Variants in ANKRD31 observed in about 807,000 individuals in gnomAD.
ANKRD31 encodes the protein ankyrin repeat domain 31.
A neutral mutation model predicts 186.0 loss-of-function variants in ANKRD31; 147 were observed. The observed-to-expected ratio is 0.79, with a 90% CI of 0.69 to 0.91. The LOEUF is 0.91. Ranked by LOEUF, ANKRD31 falls within the 40% of genes least tolerant of loss-of-function variation. The pLI, the probability that ANKRD31 is intolerant of heterozygous loss-of-function variation, is 0.00. For missense variants in ANKRD31, 1,986 were observed against 2,148.8 expected (o/e 0.92, Z 1.50); for synonymous variants, 673 against 736.4 (o/e 0.91, Z 1.39).
intron 20 of ANKRD31, among the ~76,000 whole-genome samples, chr5:75,111,561 G>A (rs2150070194): frequency 6.6e-6 from 1 of 152,214 alleles, no homozygotes; most frequent in South Asian, 2.1e-4. Flanking sequence ...GAGATGAACA[G>A]TTATATCCTG....
intron 8 of ANKRD31, among the ~76,000 whole-genome samples, 152 bp downstream of exon 8, chr5:75,193,159 G>C (rs1755228654): frequency 6.6e-6 from 1 of 152,072 alleles, no homozygotes; most frequent in Admixed American, 6.6e-5. Flanking sequence ...GTATGGCACT[G>C]ATCAAAAACT....
rs530664893 is a variant in ANKRD31 at position 75,187,112 on chromosome 5, G to T, written c.1564+1381C>A. On this transcript the variant is annotated intron_variant, in intron 10 of 25. Coordinates refer to ENST00000506364, the MANE Select transcript of ANKRD31 (RefSeq NM_001372053.1). ...CAAACATTGCCGGTGATTCTGTTTT[G>T]TGTGTGTGTGTGTGTGTGTGTGTGT... 1.7e-3 allele frequency among the ~76,000 whole-genome samples: 168 copies of T among 99,830 alleles called. 4 individuals carry two copies. Among genetic ancestry groups the T allele is most frequent in the Middle Eastern group, 9.4e-3 (2 of 212 alleles). 65.5% of individuals were successfully genotyped at this position (99,830 alleles called of 152,430 possible).
chr5:75,199,732 T>C, intron 5 of ANKRD31, 58 bp from the exon 6 acceptor site: 1 of 1,363,238 alleles, frequency 7.3e-7, no homozygotes, highest in Admixed American at 2.1e-5. Flanking sequence ...AAACATACCT[T>C]CTCAGTTGAC....
At chr5:75,084,447 T>C (rs1201422630) in intron 23 of ANKRD31, 73 bp from the exon 24 acceptor site, 7 of 1,148,904 alleles carry the variant, frequency 6.1e-6, no homozygotes, top group East Asian at 2.6e-5. Context: ...GTCCTGAACA[T>C]TGTAATTTTT....
chr5:75,180,197 A>C (rs2150216484), intron 10 of ANKRD31, among the ~76,000 whole-genome samples: 1 of 152,336 alleles, frequency 6.6e-6, no homozygotes, highest in Non-Finnish European at 1.5e-5. Flanking sequence ...GACCTCTTCA[A>C]GGAGAACTAC....
At chr5:75,190,799 A>G (rs1211588699) in intron 9 of ANKRD31, among the ~76,000 whole-genome samples, 1 of 152,092 alleles carries the variant, frequency 6.6e-6, no homozygotes, top group African/African-American at 2.4e-5. Flanking sequence ...ACAAGTATAT[A>G]CCCATGAAAC....
At chr5:75,211,477 C>T (rs1756643183) in intron 3 of ANKRD31, among the ~76,000 whole-genome samples, 1 of 152,116 alleles carries the variant, frequency 6.6e-6, no homozygotes, top group Non-Finnish European at 1.5e-5. Context: ...TATTCAAGTC[C>T]CTGCTTTCAC....
intron 19 of ANKRD31, among the ~76,000 whole-genome samples, chr5:75,115,099 C>A (rs868283916): frequency 6.6e-6 from 1 of 151,382 alleles, no homozygotes; most frequent in African/African-American, 2.4e-5. Context: ...TCAGAAATAA[C>A]GCTGCATATC....
At chr5:75,075,449 A>T (rs1744557762) in intron 25 of ANKRD31, among the ~76,000 whole-genome samples, 2 of 152,228 alleles carry the variant, frequency 1.3e-5, no homozygotes, top group South Asian at 4.1e-4. Flanking sequence ...AGCATGCGAG[A>T]CAAGAAAGGG....
At chr5:75,153,060 T>G (rs1412299484) in intron 12 of ANKRD31, among the ~76,000 whole-genome samples, 1 of 152,036 alleles carries the variant, frequency 6.6e-6, no homozygotes, top group African/African-American at 2.4e-5. Context: ...CTAAGGTACA[T>G]TCTCTTCCTC....
chr5:75,097,608 G>T (rs1327963889), intron 22 of ANKRD31, among the ~76,000 whole-genome samples: 1 of 152,256 alleles, frequency 6.6e-6, no homozygotes, highest in East Asian at 1.9e-4. Context: ...TCTGTAGGTT[G>T]CCTCTTCACT....
At chr5:75,193,899 T>C (rs1755287768) in intron 7 of ANKRD31, among the ~76,000 whole-genome samples, 1 of 151,856 alleles carries the variant, frequency 6.6e-6, no homozygotes, top group African/African-American at 2.4e-5. Flanking sequence ...ATTTGGAATG[T>C]AGAATGATGA....
intron 22 of ANKRD31, among the ~76,000 whole-genome samples, chr5:75,100,446 G>C (rs1245963068): frequency 6.6e-6 from 1 of 152,140 alleles, no homozygotes; most frequent in Non-Finnish European, 1.5e-5. Flanking sequence ...GGTCTGCTTG[G>C]TGCAGAGCTG....
chr5:75,128,010 ATG>A (rs1371403547), intron 17 of ANKRD31, among the ~76,000 whole-genome samples: 2 of 152,226 alleles, frequency 1.3e-5, no homozygotes, highest in Non-Finnish European at 2.9e-5. Context: ...TTATTTTATC[ATG>A]TCATATGAAA....
intron 10 of ANKRD31, among the ~76,000 whole-genome samples, chr5:75,172,825 C>T (rs548176865): frequency 4.9e-4 from 75 of 152,284 alleles, no homozygotes; most frequent in Non-Finnish European, 8.2e-4. Context: ...GGAGCTGGTA[C>T]CATTCCTTCT....
At position 75,229,880 on chromosome 5, in the gene ANKRD31, A is replaced by G. The variant is rs868744079; in HGVS notation, c.178+682T>C. 3.5e-5 allele frequency among the ~76,000 whole-genome samples: 3 copies of G among 85,318 alleles called. No homozygotes were observed. The South Asian group carries it at 1.0e-3, about 29-fold the overall frequency. 56.0% of individuals were successfully genotyped at this position (85,318 alleles called of 152,430 possible). A position where few individuals can be genotyped will look rare whatever the true frequency, so the allele number is the denominator to read the frequency against. ...ACTCTGTCTCAAAAAAAAAAAAAAA[A>G]AAAAAAACAAAAAAAACATCAATTC... is the stretch of plus-strand genomic sequence containing the variant. On this transcript the variant is annotated intron_variant, in intron 2 of 25. Coordinates refer to ENST00000506364, the MANE Select transcript of ANKRD31 (RefSeq NM_001372053.1).
chr5:75,200,390 T>C (rs1044870939), intron 5 of ANKRD31, among the ~76,000 whole-genome samples: 3 of 151,626 alleles, frequency 2.0e-5, no homozygotes, highest in African/African-American at 7.3e-5. Flanking sequence ...CCTCTGCCTC[T>C]GAGTTCAAGT....
intron 25 of ANKRD31, among the ~76,000 whole-genome samples, chr5:75,069,165 C>T (rs765616994): frequency 3.9e-5 from 6 of 152,180 alleles, no homozygotes; most frequent in Non-Finnish European, 8.8e-5. Flanking sequence ...AGACTTCCAT[C>T]TCTGAGATGT....
chr5:75,137,433 G>A (rs13360638), intron 17 of ANKRD31, among the ~76,000 whole-genome samples: 77,158 of 151,858 alleles, frequency 0.51, 22,659 homozygotes, highest in African/African-American at 0.82. Context: ...AGAAAAAGAT[G>A]CAACAAACAC....
Sources: gnomAD v4.1 joint callset for allele counts (sites outside exome capture counted in the v4.1 genomes callset) on GRCh38, gnomAD v4.1.1 for gene constraint, MANE v1.5 for transcripts, NCBI Gene and HGNC (gene_info 2026-07-23, HGNC 2026-07-21) for gene names.